MAPKAP1: variants seen among roughly 807,000 people sequenced by gnomAD.
MAPKAP1 encodes MAPK associated protein 1.
A neutral mutation model predicts 65.7 loss-of-function variants in MAPKAP1; 20 were observed. The observed-to-expected ratio is 0.30, with a 90% CI of 0.21 to 0.44. MAPKAP1 has a LOEUF of 0.44. MAPKAP1 is among the 20% of genes least tolerant of loss of function. The pLI is 1.00. For synonymous variants in MAPKAP1, 222 were observed against 244.3 expected (o/e 0.91, Z 0.85); for missense variants, 423 against 648.0 (o/e 0.65, Z 3.77).
chr9:125,501,389 C>T lies in MAPKAP1; in HGVS notation c.1066+4921G>A, dbSNP rs1478148652. Reference sequence around the variant, plus strand: ...CCCAACTTCGTAATGTTATATTGTTCTTTCAACATAATGTTAGATTCACTT... The same window carrying T: ...CCCAACTTCGTAATGTTATATTGTTTTTTCAACATAATGTTAGATTCACTT... On this transcript the variant is annotated intron_variant, in intron 8 of 11. Coordinates refer to ENST00000265960, the MANE Select transcript of MAPKAP1 (RefSeq NM_001006617.3). Among the ~76,000 whole-genome samples the T allele has an allele frequency of 2.0e-5, 3 of 152,242 alleles. No homozygotes were observed. In the South Asian group the frequency reaches 6.2e-4, roughly 32 times the overall value.
At chr9:125,609,035 C>G (rs760568220) in intron 4 of MAPKAP1, among the ~76,000 whole-genome samples, 1 of 152,038 alleles carries the variant, frequency 6.6e-6, no homozygotes, top group Non-Finnish European at 1.5e-5. Flanking sequence ...TGAGTCATAT[C>G]AAGAGGGAGA....
chr9:125,577,424 C>A (rs1158783308), intron 5 of MAPKAP1, among the ~76,000 whole-genome samples: 1 of 147,108 alleles, frequency 6.8e-6, no homozygotes, highest in African/African-American at 2.5e-5. Flanking sequence ...CCTCCCCGTC[C>A]GGGAGGGAGG....
chr9:125,645,282 C>T (rs570979670), intron 4 of MAPKAP1, among the ~76,000 whole-genome samples: 1 of 152,286 alleles, frequency 6.6e-6, no homozygotes, highest in Non-Finnish European at 1.5e-5. Context: ...TGACTGGAGT[C>T]CTTCCACTGT....
chr9:125,521,837 G>A, intron 7 of MAPKAP1: 2 of 1,463,898 alleles, frequency 1.4e-6, no homozygotes, highest in Non-Finnish European at 9.5e-7. Context: ...CTACATGAAA[G>A]TGGTGACTCC....
intron 8 of MAPKAP1, among the ~76,000 whole-genome samples, chr9:125,499,570 G>A (rs929041184): frequency 2.0e-5 from 3 of 152,150 alleles, no homozygotes; most frequent in African/African-American, 7.2e-5. Context: ...GGATGCTGAG[G>A]CTCAGAGAGA....
chr9:125,458,621 TAC>T, intron 10 of MAPKAP1, among the ~76,000 whole-genome samples: 1 of 151,578 alleles, frequency 6.6e-6, no homozygotes, highest in Middle Eastern at 3.4e-3. Context: ...TACTTCCTTC[TAC>T]ACAGACAGGG....
chr9:125,578,170 C>T (rs1162034577), intron 5 of MAPKAP1, among the ~76,000 whole-genome samples: 2 of 152,150 alleles, frequency 1.3e-5, no homozygotes, highest in African/African-American at 4.8e-5. Flanking sequence ...GCTGTGTCCA[C>T]TCAGGGTTGA....
chr9:125,514,856 C>T (rs1276300711), intron 7 of MAPKAP1, among the ~76,000 whole-genome samples: 2 of 152,130 alleles, frequency 1.3e-5, no homozygotes, highest in East Asian at 1.9e-4. Context: ...ACTGAATCTG[C>T]GTTCCTCACT....
intron 1 of MAPKAP1, among the ~76,000 whole-genome samples, chr9:125,691,351 G>T (rs973089405): frequency 3.3e-5 from 5 of 152,158 alleles, no homozygotes; most frequent in Non-Finnish European, 7.4e-5. Flanking sequence ...TTTATGGCTT[G>T]CATGATAGTG....
chr9:125,520,900 C>A (rs1283245676), intron 7 of MAPKAP1, among the ~76,000 whole-genome samples: 1 of 152,196 alleles, frequency 6.6e-6, no homozygotes, highest in South Asian at 2.1e-4. Flanking sequence ...TGGACATTGG[C>A]TGGAGAATGG....
chr9:125,464,942 A>C (rs1184778323), intron 10 of MAPKAP1, among the ~76,000 whole-genome samples: 1 of 152,182 alleles, frequency 6.6e-6, no homozygotes, highest in East Asian at 1.9e-4. Flanking sequence ...AGGTTTAAAA[A>C]CCATTTCTTT....
intron 7 of MAPKAP1, among the ~76,000 whole-genome samples, chr9:125,513,593 C>G (rs1829372534): frequency 1.3e-5 from 2 of 152,224 alleles, no homozygotes; most frequent in African/African-American, 4.8e-5. Context: ...GATAACAGAG[C>G]TTCCCTCAGA....
chr9:125,492,036 A>G (rs1373955204), intron 8 of MAPKAP1, among the ~76,000 whole-genome samples: 1 of 62,360 alleles, frequency 1.6e-5, no homozygotes, highest in Non-Finnish European at 4.5e-5. Flanking sequence ...ACTGAAAGTT[A>G]AAAAAAAAAA....
chr9:125,619,205 A>G (rs1406127837), intron 4 of MAPKAP1, among the ~76,000 whole-genome samples: 1 of 152,216 alleles, frequency 6.6e-6, no homozygotes, highest in African/African-American at 2.4e-5. Flanking sequence ...CATTTTAGAG[A>G]TATTTACATC....
chr9:125,489,014 C>T (rs1854603135), intron 8 of MAPKAP1, among the ~76,000 whole-genome samples: 1 of 152,140 alleles, frequency 6.6e-6, no homozygotes, highest in South Asian at 2.1e-4. Context: ...GTGAACCCAA[C>T]CACACATGAA....
At chr9:125,545,530 T>G (rs1830398177) in intron 6 of MAPKAP1, among the ~76,000 whole-genome samples, 1 of 152,216 alleles carries the variant, frequency 6.6e-6, no homozygotes, top group South Asian at 2.1e-4. Context: ...CTGGACCTCA[T>G]GAACTGCCAT....
At chr9:125,504,911 T>A (rs1437833060) in intron 8 of MAPKAP1, among the ~76,000 whole-genome samples, 13 of 152,192 alleles carry the variant, frequency 8.5e-5, no homozygotes. Flanking sequence ...ACTCATTCAA[T>A]CTATATTTAC....
intron 7 of MAPKAP1, among the ~76,000 whole-genome samples, chr9:125,511,884 G>T (rs986371718): frequency 6.6e-6 from 1 of 152,150 alleles, no homozygotes; most frequent in Non-Finnish European, 1.5e-5. Flanking sequence ...ACTCTGCAGC[G>T]ACGGGAAAAC....
intron 11 of MAPKAP1, among the ~76,000 whole-genome samples, chr9:125,443,649 C>T (rs2132924210): frequency 6.6e-6 from 1 of 152,162 alleles, no homozygotes; most frequent in South Asian, 2.1e-4. Flanking sequence ...CTCAGCCACA[C>T]TCCACTCTGC....
Sources: gnomAD v4.1 joint callset for allele counts (sites outside exome capture counted in the v4.1 genomes callset) on GRCh38, gnomAD v4.1.1 for gene constraint, MANE v1.5 for transcripts, NCBI Gene and HGNC (gene_info 2026-07-23, HGNC 2026-07-21) for gene names.